Variants in SENP1 observed in about 807,000 individuals in gnomAD.
SENP1 encodes the protein sentrin-specific protease 1.
Under a neutral mutation model 93.0 loss-of-function variants are expected in SENP1, and 21 were observed. That is an observed-to-expected ratio of 0.23 (90% CI 0.16 to 0.33). SENP1 has a LOEUF of 0.33. SENP1 is among the 10% of genes least tolerant of loss of function. The probability of loss-of-function intolerance (pLI) is 1.00; values close to 1 mark genes in which losing one functional copy is unlikely to be tolerated. For synonymous variants in SENP1, 256 were observed against 259.6 expected, an observed-to-expected ratio of 0.99 and a Z score of 0.13; for missense variants, 591 against 758.7, an observed-to-expected ratio of 0.78 and a Z score of 2.60.
rs1386983568 is a variant in SENP1, at chr12:48,063,785, G to A, written c.1332C>T (p.Leu444=). 1.9e-6 allele frequency: 3 copies of A among 1,612,750 alleles called. No individual in the cohort carries two copies. Among genetic ancestry groups the A allele is most frequent in the African/African-American group, 1.3e-5 (1 of 74,876 alleles). Residue 444 remains leucine, a synonymous_variant, in exon 13 of 18, where the codon CTC becomes CTT. Transcript: ENST00000549518. The stretch of plus-strand genomic sequence containing the variant: ...TAATGGTCAGGCGAAATGCTTCACT[G>A]AGAACTTCATCCTGATTCCCATTAC... ...VFRNGNQDEV[L]SEAFRLTITR...
chr12:48,095,979 C>T (rs1308806958), intron 4 of SENP1, among the ~76,000 whole-genome samples: 3 of 152,176 alleles, frequency 2.0e-5, no homozygotes, highest in Non-Finnish European at 4.4e-5. Context: ...TCAAGCAGAA[C>T]AGAAATAAAC....
At chr12:48,101,306 T>C (rs1216581039) in intron 2 of SENP1, among the ~76,000 whole-genome samples, 163 bp downstream of exon 2, 1 of 152,208 alleles carries the variant, frequency 6.6e-6, no homozygotes, top group African/African-American at 2.4e-5. Flanking sequence ...ATAATAATAA[T>C]TTTGTTTGGT....
chr12:48,044,319 T>C lies in SENP1; in HGVS notation c.*1003A>G, dbSNP rs1592267559. On this transcript the variant is annotated 3_prime_UTR_variant, in exon 18 of 18. Transcript: ENST00000549518. ...CTAAATGGTGAACACATTCAGTCTT[T>C]AAAAAAAAAAGCATATCCCTGTGAA... 1 of 141,802 alleles carries C rather than the reference T, an allele frequency of 7.1e-6. No individual in the cohort carries two copies. 8.8% of individuals were successfully genotyped at this position (141,802 alleles called of 1,614,324 possible). A position where few individuals can be genotyped will look rare whatever the true frequency, so the allele number is the denominator to read the frequency against.
rs771659093 is a variant in SENP1, at chr12:48,074,800, G to GAA, written c.553-9_553-8dup. The GAA allele has an allele frequency of 4.2e-6, 6 of 1,427,148 alleles. No homozygotes were observed. In the African/African-American group the frequency reaches 9.5e-5, roughly 23 times the overall value. 88.4% of individuals were successfully genotyped at this position (1,427,148 alleles called of 1,614,324 possible). On this transcript the variant is annotated splice_region_variant and splice_polypyrimidine_tract_variant and intron_variant, in intron 6 of 17. Coordinates refer to ENST00000549518, the MANE Select transcript of SENP1 (RefSeq NM_001267594.2). ...TTTCTTCTTCTTGAACTGTCTATAAGAAAACAAAAAAAAAAAACAGTTTAA... is the reference window on the plus strand; with the variant it reads ...TTTCTTCTTCTTGAACTGTCTATAAGAAAAAACAAAAAAAAAAAACAGTTTAA...
intron 1 of SENP1, 43 bp downstream of exon 1, chr12:48,105,985 C>G (rs1402210071): frequency 2.9e-6 from 2 of 700,132 alleles, no homozygotes; most frequent in South Asian, 1.5e-5. Context: ...GGACCAGGCT[C>G]CCTCCATCCT....
chr12:48,085,581 G>A (rs1168975048), intron 5 of SENP1, among the ~76,000 whole-genome samples: 1 of 152,042 alleles, frequency 6.6e-6, no homozygotes, highest in Non-Finnish European at 1.5e-5. Context: ...CTTCTAGGTT[G>A]CTGGGGCTCT....
At chr12:48,079,829 C>T (rs542067609) in intron 6 of SENP1, among the ~76,000 whole-genome samples, 162 of 152,152 alleles carry the variant, frequency 1.1e-3, no homozygotes, top group African/African-American at 3.7e-3. Context: ...AATAATACTC[C>T]TAATTTTCAT....
chr12:48,047,622 G>C (rs772296018), intron 15 of SENP1, among the ~76,000 whole-genome samples: 2 of 152,172 alleles, frequency 1.3e-5, no homozygotes, highest in Non-Finnish European at 2.9e-5. Flanking sequence ...AAATGAAACA[G>C]GTGGAGCATA....
rs1218215014 is a variant in SENP1 at position 48,048,084 on chromosome 12, A to C, written c.1612-4T>G. On this transcript the variant is annotated splice_polypyrimidine_tract_variant and splice_region_variant and intron_variant, in intron 14 of 17. Transcript: ENST00000549518. ...TCTTCTTTCTAAAGTCCACAACCTGAGAATAAGAAAAAAAGTCTCTGTGTT... is the reference window on the plus strand; with the variant it reads ...TCTTCTTTCTAAAGTCCACAACCTGCGAATAAGAAAAAAAGTCTCTGTGTT... The C allele has an allele frequency of 6.3e-7, 1 of 1,582,214 alleles. No individual in the cohort carries two copies. The highest frequency in any genetic ancestry group is 1.3e-5 in the African/African-American group (1 of 74,186).
At chr12:48,102,258 C>A (rs1373708534) in intron 1 of SENP1, among the ~76,000 whole-genome samples, 1 of 151,940 alleles carries the variant, frequency 6.6e-6, no homozygotes, top group East Asian at 1.9e-4. Flanking sequence ...ATGGTGAAAA[C>A]CCATCTCTAC....
At chr12:48,075,468 AG>A (rs1324566720) in intron 6 of SENP1, among the ~76,000 whole-genome samples, 1 of 152,204 alleles carries the variant, frequency 6.6e-6, no homozygotes, top group Admixed American at 6.5e-5. Context: ...GAAACCTGTT[AG>A]AAAAATCACA....
intron 13 of SENP1, among the ~76,000 whole-genome samples, chr12:48,053,722 G>C (rs922473175): frequency 1.3e-5 from 2 of 152,106 alleles, no homozygotes; most frequent in Admixed American, 6.6e-5. Flanking sequence ...TAGTCTGCCT[G>C]GTTAGCTGTA....
In SENP1 at chr12:48,046,882, A is replaced by G. The variant is rs2136738864; in HGVS notation, c.1776+96T>C. On this transcript the variant is annotated intron_variant, in intron 16 of 17. Transcript: ENST00000549518. ...CAACCAAGCTGAAGTCAGGCTAGAC[A>G]CGAACACAGGTGGTCCCTGGGAATT... 12 of 772,500 alleles carry G rather than the reference A, an allele frequency of 1.6e-5. No homozygotes were observed. In the East Asian group the frequency reaches 3.0e-4, roughly 20 times the overall value. 47.9% of individuals were successfully genotyped at this position (772,500 alleles called of 1,614,324 possible). A position where few individuals can be genotyped will look rare whatever the true frequency, so the allele number is the denominator to read the frequency against.
intron 13 of SENP1, among the ~76,000 whole-genome samples, chr12:48,056,016 A>C (rs1296919885): frequency 7.7e-6 from 1 of 129,212 alleles, no homozygotes; most frequent in East Asian, 2.2e-4. Context: ...ATTTTAATAT[A>C]TAACTTAATA....
intron 6 of SENP1, among the ~76,000 whole-genome samples, chr12:48,077,296 C>T (rs1266724365): frequency 6.6e-6 from 1 of 152,188 alleles, no homozygotes; most frequent in African/African-American, 2.4e-5. Flanking sequence ...CCTACTTCTG[C>T]TTTTGTTGCC....
At chr12:48,056,261 ATTAC>A (rs574094183) in intron 13 of SENP1, among the ~76,000 whole-genome samples, 7,184 of 118,820 alleles carry the variant, frequency 0.06, 286 homozygotes, top group Non-Finnish European at 0.092. Flanking sequence ...TATTTTATAT[ATTAC>A]TTAATGTATT....
chr12:48,082,347 G>C (rs1944548502), intron 6 of SENP1, among the ~76,000 whole-genome samples: 1 of 152,050 alleles, frequency 6.6e-6, no homozygotes, highest in South Asian at 2.1e-4. Context: ...AGCTTCATTG[G>C]GCAGGAACCA....
intron 10 of SENP1, 25 bp from the exon 11 acceptor site, chr12:48,065,705 C>T (rs17122612): frequency 1.4e-6 from 2 of 1,399,732 alleles, no homozygotes; most frequent in East Asian, 2.5e-5. Context: ...GGAACGTGAC[C>T]AAATGTAGAC....
intron 10 of SENP1, 34 bp downstream of exon 10, chr12:48,066,893 T>C: frequency 1.4e-6 from 2 of 1,477,402 alleles, no homozygotes; most frequent in Non-Finnish European, 1.9e-6. Context: ...AATGAACTGA[T>C]TGAGAAGGAA....
Sources: allele counts gnomAD v4.1 joint callset (sites outside exome capture counted in the v4.1 genomes callset), GRCh38; gene constraint gnomAD v4.1.1; transcripts MANE v1.5; gene names NCBI Gene and HGNC (gene_info 2026-07-23, HGNC 2026-07-21).